Variants in SLCO4C1 observed in about 807,000 individuals in gnomAD.
SLCO4C1 encodes the protein organic anion transporter M1.
In SLCO4C1, 58 loss-of-function variants were observed where a neutral mutation model predicts 72.1. The ratio of observed to expected loss-of-function variants is 0.80; its 90% CI spans 0.65 to 1.00. The LOEUF (loss-of-function observed/expected upper bound fraction) is 1.00. SLCO4C1 is among the 50% of genes least tolerant of loss of function. The pLI is 0.00. For missense variants in SLCO4C1, 898 were observed against 857.9 expected (o/e 1.05, Z -0.58); for synonymous variants, 297 against 312.5 (o/e 0.95, Z 0.52).
At chr5:102,268,442 T>C (rs1561375261) in intron 3 of SLCO4C1, among the ~76,000 whole-genome samples, 1 of 152,160 alleles carries the variant, frequency 6.6e-6, no homozygotes, top group Non-Finnish European at 1.5e-5. Context: ...GGTTTACAAT[T>C]ACAACTAAAT....
At chr5:102,237,047 C>T (rs1004014870) in intron 12 of SLCO4C1, 29 bp from the exon 13 acceptor site, 40 of 1,537,790 alleles carry the variant, frequency 2.6e-5, no homozygotes, top group Non-Finnish European at 3.2e-5. Context: ...TAATCATGTG[C>T]TTTTGTTTTT....
At chr5:102,248,229 G>A (rs1451896129) in intron 9 of SLCO4C1, among the ~76,000 whole-genome samples, 3 of 152,010 alleles carry the variant, frequency 2.0e-5, no homozygotes, top group African/African-American at 7.2e-5. Flanking sequence ...GTGAACAAAT[G>A]TATATGGGTG....
intron 1 of SLCO4C1, among the ~76,000 whole-genome samples, chr5:102,292,330 C>A (rs1178029461): frequency 1.3e-5 from 2 of 152,114 alleles, no homozygotes; most frequent in African/African-American, 4.8e-5. Flanking sequence ...CAGAAGACTA[C>A]AAAAGGCACA....
At chr5:102,269,632 C>T (rs778577849) in intron 3 of SLCO4C1, among the ~76,000 whole-genome samples, 12 of 152,090 alleles carry the variant, frequency 7.9e-5, no homozygotes, top group South Asian at 6.2e-4. Context: ...CCCTTGATAT[C>T]GTACTGAGTT....
At chr5:102,260,436 A>C (rs1190693355) in intron 5 of SLCO4C1, 117 bp from the exon 6 acceptor site, 2 of 215,146 alleles carry the variant, frequency 9.3e-6, no homozygotes, top group East Asian at 2.6e-4. Context: ...TTCTTCATGT[A>C]AAAAAAGTGC....
At chr5:102,262,457 T>A (rs1748960262) in intron 4 of SLCO4C1, among the ~76,000 whole-genome samples, 1 of 152,106 alleles carries the variant, frequency 6.6e-6, no homozygotes. Context: ...AAATTAGTCT[T>A]AAAGCAACTA....
At chr5:102,259,644 C>T (rs181082448) in intron 6 of SLCO4C1, among the ~76,000 whole-genome samples, 51 of 152,202 alleles carry the variant, frequency 3.4e-4, no homozygotes, top group Non-Finnish European at 4.0e-4. Context: ...CTGCTGAGTA[C>T]AACTTAATGG....
At chr5:102,238,787 GAATT>G (rs1232036760) in intron 12 of SLCO4C1, among the ~76,000 whole-genome samples, 1 of 151,976 alleles carries the variant, frequency 6.6e-6, no homozygotes, top group Non-Finnish European at 1.5e-5. Context: ...AAGGCAAAAA[GAATT>G]AAACATCACA....
chr5:102,282,950 T>C (rs549726686), intron 2 of SLCO4C1, among the ~76,000 whole-genome samples: 1 of 152,140 alleles, frequency 6.6e-6, no homozygotes, highest in East Asian at 1.9e-4. Flanking sequence ...ACAAAGTACA[T>C]ATCATGTTCA....
chr5:102,252,623 T>C (rs1338820203), intron 8 of SLCO4C1, among the ~76,000 whole-genome samples: 1 of 152,182 alleles, frequency 6.6e-6, no homozygotes, highest in East Asian at 1.9e-4. Context: ...TCCCAATATA[T>C]AATTCTCATG....
At chr5:102,272,680 G>A (rs1347501690) in intron 2 of SLCO4C1, among the ~76,000 whole-genome samples, 1 of 152,176 alleles carries the variant, frequency 6.6e-6, no homozygotes, top group Non-Finnish European at 1.5e-5. Flanking sequence ...TTGAGGCAGG[G>A]CGTGATGGCT....
intron 2 of SLCO4C1, among the ~76,000 whole-genome samples, chr5:102,279,601 C>G (rs1008212012): frequency 6.6e-6 from 1 of 151,756 alleles, no homozygotes; most frequent in Non-Finnish European, 1.5e-5. Flanking sequence ...AACTACAAAG[C>G]CAAATAGAGA....
intron 4 of SLCO4C1, 21 bp from the exon 5 acceptor site, chr5:102,262,054 A>G: frequency 6.3e-7 from 1 of 1,591,108 alleles, no homozygotes; most frequent in Non-Finnish European, 8.5e-7. Context: ...GAAAAACAAG[A>G]GGTAAAAGTC....
At chr5:102,251,286 A>G (rs1405777776) in intron 8 of SLCO4C1, among the ~76,000 whole-genome samples, 1 of 152,216 alleles carries the variant, frequency 6.6e-6, no homozygotes, top group African/African-American at 2.4e-5. Flanking sequence ...TAGGAGTTGT[A>G]CAGAGTATGA....
At chr5:102,276,336 T>C (rs1749245818) in intron 2 of SLCO4C1, among the ~76,000 whole-genome samples, 1 of 152,190 alleles carries the variant, frequency 6.6e-6, no homozygotes, top group East Asian at 1.9e-4. Context: ...TGAGATAACA[T>C]GCATTCAGTT....
At position 102,240,797 on chromosome 5, in the gene SLCO4C1, T is replaced by A. The variant is rs1748525952; in HGVS notation, c.1812-15A>T. 3 of 1,598,828 alleles carry A rather than the reference T, an allele frequency of 1.9e-6. No individual in the cohort carries two copies. The South Asian group carries it at 3.4e-5, about 18-fold the overall frequency. The stretch of plus-strand genomic sequence containing the variant: ...GATTAACACACCTGGAAATATTAAA[T>A]ATATATGAGACCAAAAAAGGTGGTA... On this transcript the variant is annotated splice_polypyrimidine_tract_variant and intron_variant, in intron 10 of 12. Transcript: ENST00000310954.
At chr5:102,240,808 C>A (rs754201365) in intron 10 of SLCO4C1, 26 bp from the exon 11 acceptor site, 14 of 1,545,634 alleles carry the variant, frequency 9.1e-6, no homozygotes, top group African/African-American at 4.1e-5. Flanking sequence ...ATATATGAGA[C>A]CAAAAAAGGT....
In SLCO4C1 at chr5:102,257,328, T is replaced by C. The variant is rs779471618; in HGVS notation, c.1274-18A>G. On this transcript the variant is annotated intron_variant, in intron 7 of 12. Transcript: ENST00000310954. ...AACAGCCCCTAATAAGAAAAAAGAA[T>C]GTAGATTGTGAGAAACCATACACAT... The C allele has an allele frequency of 1.9e-6, 3 of 1,562,904 alleles. No individual in the cohort carries two copies. The highest frequency in any genetic ancestry group is 2.6e-6 in the Non-Finnish European group (3 of 1,160,148).
Position 102,260,242 on chromosome 5 carries a change from T to C in SLCO4C1, c.1099A>G (p.Ser367Gly). The C allele has an allele frequency of 7.2e-7, 1 of 1,392,652 alleles. No individual in the cohort carries two copies. Among genetic ancestry groups the C allele is most frequent in the Non-Finnish European group, 9.4e-7 (1 of 1,063,632 alleles). 86.3% of individuals were successfully genotyped at this position (1,392,652 alleles called of 1,614,324 possible). Residue 367 changes from serine (S) to glycine (G), a missense_variant, in exon 6 of 13, where the codon AGT becomes GGT. By Grantham distance (56) the Ser-to-Gly change is moderately conservative. Transcript: ENST00000310954. The stretch of plus-strand genomic sequence containing the variant: ...AGAGCAGCTGGAAAATCTTTAATAC[T>C]TTTTCCAAATTTCACATCTGCATTA... ...NSNADVKFGK[S>G]IKDFPAALKN...
Sources: gnomAD v4.1 joint callset for allele counts (sites outside exome capture counted in the v4.1 genomes callset) on GRCh38, gnomAD v4.1.1 for gene constraint, MANE v1.5 for transcripts, NCBI Gene and HGNC (gene_info 2026-07-23, HGNC 2026-07-21) for gene names.